CCDC152: variants seen among roughly 807,000 people sequenced by gnomAD.
CCDC152 encodes the protein coiled-coil domain containing 152, also known as coiled-coil domain-containing protein 152.
Under a neutral mutation model 38.1 loss-of-function variants are expected in CCDC152, and 37 were observed. That is an observed-to-expected ratio of 0.97 (90% CI 0.75 to 1.28). The LOEUF (loss-of-function observed/expected upper bound fraction) is 1.28, where lower values mean the gene tolerates loss of function less well. Ranked by LOEUF, CCDC152 falls within the 50% of genes most tolerant of loss-of-function variation. The probability of loss-of-function intolerance (pLI) is 0.00; values close to 1 mark genes in which losing one functional copy is unlikely to be tolerated. For synonymous variants in CCDC152, 83 were observed against 87.1 expected (o/e 0.95, Z 0.26); for missense variants, 259 against 292.1 (o/e 0.89, Z 0.83).
intron 6 of CCDC152, among the ~76,000 whole-genome samples, chr5:42,795,128 G>A (rs1307747274): frequency 6.6e-6 from 1 of 152,088 alleles, no homozygotes; most frequent in Non-Finnish European, 1.5e-5. Context: ...GATTGAATAA[G>A]TATTAAAATC....
In CCDC152 at chr5:42,767,681, A is replaced by G. The variant is rs1054407556; in HGVS notation, c.194-1916A>G. Among the ~76,000 whole-genome samples the G allele has an allele frequency of 2.6e-5, 4 of 152,352 alleles. No homozygotes were observed. The East Asian group carries it at 7.7e-4, about 29-fold the overall frequency. On this transcript the variant is annotated intron_variant, in intron 3 of 8. Transcript: ENST00000361970. ...TTTATCTATGCTCCATTGTAGAAAA[A>G]TGTGGTGAGAGAGCCACCTTGTGTT... is the stretch of plus-strand genomic sequence containing the variant.
At chr5:42,799,267 C>T (rs1023709489) in intron 7 of CCDC152, 108 bp from the exon 8 acceptor site, 3 of 583,954 alleles carry the variant, frequency 5.1e-6, no homozygotes, top group East Asian at 6.1e-5. Context: ...CTGTAATTTA[C>T]ACCTGAATTA....
At chr5:42,777,530 T>C (rs1175619222) in intron 4 of CCDC152, among the ~76,000 whole-genome samples, 4 of 151,534 alleles carry the variant, frequency 2.6e-5, no homozygotes, top group South Asian at 4.2e-4. Context: ...TGTGCTCAAC[T>C]CAAATATTTG....
In CCDC152 at chr5:42,787,658, A is replaced by G. The variant is rs534618383; in HGVS notation, c.430+4082A>G. 3.6e-5 allele frequency among the ~76,000 whole-genome samples: 5 copies of G among 139,658 alleles called. No individual in the cohort carries two copies. In the South Asian group the frequency reaches 9.0e-4, roughly 25 times the overall value. 91.6% of individuals were successfully genotyped at this position (139,658 alleles called of 152,430 possible). A position where few individuals can be genotyped will look rare whatever the true frequency, so the allele number is the denominator to read the frequency against. On this transcript the variant is annotated intron_variant, in intron 6 of 8. Coordinates refer to ENST00000361970, the MANE Select transcript of CCDC152 (RefSeq NM_001134848.2). ...TATATAATAGTAGTTAGGTAATTATATAGTAGTTAGGTAATTGCTGAATTG... is the reference window on the plus strand; with the variant it reads ...TATATAATAGTAGTTAGGTAATTATGTAGTAGTTAGGTAATTGCTGAATTG...
chr5:42,774,694 C>T (rs1426262185), intron 4 of CCDC152, among the ~76,000 whole-genome samples: 1 of 152,034 alleles, frequency 6.6e-6, no homozygotes, highest in Non-Finnish European at 1.5e-5. Flanking sequence ...TCTGCAACAC[C>T]TTAGGCGTTT....
Position 42,769,425 on chromosome 5 carries a change from ACT to A in CCDC152, c.194-169_194-168del, listed in dbSNP as rs544562202. 1.3e-3 allele frequency among the ~76,000 whole-genome samples: 197 copies of A among 151,602 alleles called. 1 individual carries two copies. Among genetic ancestry groups the A allele is most frequent in the African/African-American group, 4.5e-3 (184 of 41,346 alleles). On this transcript the variant is annotated intron_variant, in intron 3 of 8. Coordinates refer to ENST00000361970, the MANE Select transcript of CCDC152 (RefSeq NM_001134848.2). ...TGAGCATAGCCCCCTGCAGCCTTGA[ACT>A]CTTGGGTTCAAGTGATCCTCCTGCC...
intron 5 of CCDC152, among the ~76,000 whole-genome samples, chr5:42,782,435 TA>T (rs1759858647): frequency 6.6e-6 from 1 of 152,222 alleles, no homozygotes; most frequent in East Asian, 1.9e-4. Flanking sequence ...ATTGTTTCTG[TA>T]ATATCTTTAT....
At chr5:42,789,807 C>T (rs74562023) in intron 6 of CCDC152, among the ~76,000 whole-genome samples, 2,463 of 152,148 alleles carry the variant, frequency 0.016, 28 homozygotes, top group Non-Finnish European at 0.022. Flanking sequence ...TATCTTTATG[C>T]ACATCATATG....
At chr5:42,770,771 GTCT>G (rs1280390966) in intron 4 of CCDC152, among the ~76,000 whole-genome samples, 2 of 152,018 alleles carry the variant, frequency 1.3e-5, no homozygotes, top group African/African-American at 4.8e-5. Context: ...ATTTATCTGT[GTCT>G]TCTTTCATTT....
chr5:42,789,009 G>A (rs896832688), intron 6 of CCDC152, among the ~76,000 whole-genome samples: 1 of 152,226 alleles, frequency 6.6e-6, no homozygotes, highest in East Asian at 1.9e-4. Flanking sequence ...CACCATCTCA[G>A]TTCAGGCCTG....
intron 2 of CCDC152, 104 bp from the exon 3 acceptor site, chr5:42,762,339 C>G: frequency 1.6e-6 from 1 of 626,236 alleles, no homozygotes; most frequent in Non-Finnish European, 2.8e-6. Flanking sequence ...ATTAGACTAT[C>G]AGATATTAAG....
intron 3 of CCDC152, among the ~76,000 whole-genome samples, chr5:42,768,515 T>C (rs777064239): frequency 6.6e-6 from 1 of 152,200 alleles, no homozygotes; most frequent in Non-Finnish European, 1.5e-5. Context: ...TGAATGCGCA[T>C]GTCAAGGCTC....
Position 42,800,672 on chromosome 5 carries a change from T to A in CCDC152, c.*891T>A, listed in dbSNP as rs753136280. 11 of 1,513,054 alleles carry A rather than the reference T, an allele frequency of 7.3e-6. No individual in the cohort carries two copies. Among genetic ancestry groups the A allele is most frequent in the Non-Finnish European group, 9.7e-6 (11 of 1,131,520 alleles). 93.7% of individuals were successfully genotyped at this position (1,513,054 alleles called of 1,614,324 possible). On this transcript the variant is annotated 3_prime_UTR_variant, in exon 9 of 9. Transcript: ENST00000361970. ...TGGTAGTTTATAAAAATGCTGGAAA[T>A]GAAATTGTGTCTAGACTAAATTGGG...
chr5:42,791,619 ATTTC>A (rs1760000656), intron 6 of CCDC152, among the ~76,000 whole-genome samples: 1 of 151,962 alleles, frequency 6.6e-6, no homozygotes, highest in Non-Finnish European at 1.5e-5. Context: ...CAGCCTCCTT[ATTTC>A]TTTCTTTACT....
In CCDC152 at chr5:42,799,451, A is replaced by AT. The variant is rs1175510982; in HGVS notation, c.635_636insT (p.Arg213GlnfsTer20). 1 of 1,530,000 alleles carries AT rather than the reference A, an allele frequency of 6.5e-7. No individual in the cohort carries two copies. 94.8% of individuals were successfully genotyped at this position (1,530,000 alleles called of 1,614,324 possible). Reference sequence around the variant, plus strand: ...TCTACTGTTTTGCCACAAAGTATCTACAGAAGGGTATGTGAGTTTTCCTCT... The same window carrying AT: ...TCTACTGTTTTGCCACAAAGTATCTATCAGAAGGGTATGTGAGTTTTCCTCT... On this transcript the variant is annotated frameshift_variant, in exon 8 of 9. Transcript: ENST00000361970. LOFTEE classifies it high-confidence loss of function.
At chr5:42,769,907 A>G (rs1444789311) in intron 4 of CCDC152, among the ~76,000 whole-genome samples, 1 of 152,216 alleles carries the variant, frequency 6.6e-6, no homozygotes, top group African/African-American at 2.4e-5. Context: ...TCATATAGTT[A>G]TTACCTTCAA....
chr5:42,792,339 C>T (rs1316748786), intron 6 of CCDC152, among the ~76,000 whole-genome samples: 1 of 152,144 alleles, frequency 6.6e-6, no homozygotes, highest in Non-Finnish European at 1.5e-5. Context: ...AGAGATCTCT[C>T]ACTCTCACAT....
At chr5:42,778,810 G>A (rs922999152) in intron 4 of CCDC152, among the ~76,000 whole-genome samples, 7 of 151,968 alleles carry the variant, frequency 4.6e-5, no homozygotes, top group Non-Finnish European at 7.4e-5. Flanking sequence ...CCAGATAATC[G>A]TTTTAGCATG....
intron 6 of CCDC152, among the ~76,000 whole-genome samples, chr5:42,785,409 G>T (rs943205782): frequency 1.5e-4 from 23 of 151,882 alleles, no homozygotes; most frequent in African/African-American, 5.1e-4. Flanking sequence ...GAGTGTTGTT[G>T]GTTTATAAGA....
Sources: gnomAD v4.1 joint callset for allele counts (sites outside exome capture counted in the v4.1 genomes callset) on GRCh38, gnomAD v4.1.1 for gene constraint, MANE v1.5 for transcripts, NCBI Gene and HGNC (gene_info 2026-07-23, HGNC 2026-07-21) for gene names.